The following EDIL3 variants were observed in gnomAD, a reference collection of about 807,000 sequenced individuals.
EDIL3 encodes the protein EGF-like repeat and discoidin I-like domain-containing protein 3.
A neutral mutation model predicts 67.4 loss-of-function variants in EDIL3; 37 were observed. The ratio of observed to expected loss-of-function variants is 0.55; its 90% CI spans 0.42 to 0.72. The LOEUF is 0.72. Among genes scored for constraint, EDIL3 ranks in the 30% least tolerant of loss-of-function variants. The pLI is 0.00. For missense variants in EDIL3, 527 were observed against 586.3 expected, an observed-to-expected ratio of 0.90 and a Z score of 1.04; for synonymous variants, 195 against 196.3, an observed-to-expected ratio of 0.99 and a Z score of 0.05.
At chr5:84,335,349 G>A (rs1420745322) in intron 1 of EDIL3, among the ~76,000 whole-genome samples, 1 of 152,004 alleles carries the variant, frequency 6.6e-6, no homozygotes, top group Non-Finnish European at 1.5e-5. Flanking sequence ...TCCTCTTCCT[G>A]CTCTCTTATC....
intron 4 of EDIL3, among the ~76,000 whole-genome samples, chr5:84,141,440 A>T (rs1561443569): frequency 2.7e-5 from 4 of 147,152 alleles, no homozygotes; most frequent in African/African-American, 9.9e-5. Context: ...AATTATATAT[A>T]ATATATATAA....
chr5:84,078,915 T>A (rs1746913920), intron 6 of EDIL3: 1 of 152,130 alleles, frequency 6.6e-6, no homozygotes, highest in Non-Finnish European at 1.5e-5. Context: ...AGCCTTGGGA[T>A]GAGAGTGGTG....
intron 6 of EDIL3, among the ~76,000 whole-genome samples, chr5:84,078,301 T>C (rs1364405034): frequency 6.6e-6 from 1 of 152,146 alleles, no homozygotes; most frequent in East Asian, 1.9e-4. Flanking sequence ...TGTGTATGTG[T>C]GTGTGTGTGA....
intron 3 of EDIL3, among the ~76,000 whole-genome samples, chr5:84,217,400 G>A (rs1384813934): frequency 6.6e-6 from 1 of 152,062 alleles, no homozygotes; most frequent in Non-Finnish European, 1.5e-5. Flanking sequence ...ACTAGGCTAC[G>A]GTGCCCAACT....
chr5:84,229,417 T>C (rs1409107498), intron 3 of EDIL3, among the ~76,000 whole-genome samples: 3 of 152,152 alleles, frequency 2.0e-5, no homozygotes, highest in Admixed American at 6.6e-5. Context: ...GTGAATATGA[T>C]GTTTGATGCT....
chr5:84,352,128 TA>T (rs1023692640), intron 1 of EDIL3, among the ~76,000 whole-genome samples: 2 of 151,856 alleles, frequency 1.3e-5, no homozygotes, highest in Non-Finnish European at 2.9e-5. Context: ...TTAAAAAAAT[TA>T]AAAAAACAAC....
chr5:84,202,660 C>G (rs767636120), intron 3 of EDIL3, among the ~76,000 whole-genome samples: 4 of 151,978 alleles, frequency 2.6e-5, no homozygotes, highest in Non-Finnish European at 4.4e-5. Context: ...TATTTGAGAG[C>G]AGAGGGGAAA....
intron 1 of EDIL3, among the ~76,000 whole-genome samples, chr5:84,378,449 T>C (rs1453182030): frequency 6.6e-6 from 1 of 152,176 alleles, no homozygotes; most frequent in Admixed American, 6.5e-5. Context: ...ACATATACTA[T>C]TCGAGTCTCC....
At chr5:84,070,146 G>T (rs1355796223) in intron 6 of EDIL3, among the ~76,000 whole-genome samples, 2 of 152,110 alleles carry the variant, frequency 1.3e-5, no homozygotes, top group Non-Finnish European at 2.9e-5. Context: ...ACTGAGAGCT[G>T]CTTCCACCAC....
chr5:84,239,502 A>T (rs10942345), intron 2 of EDIL3, among the ~76,000 whole-genome samples: 2 of 151,982 alleles, frequency 1.3e-5, no homozygotes, highest in South Asian at 2.1e-4. Context: ...GGTTTGTTAC[A>T]TATGTATACA....
At chr5:84,184,290 G>C (rs1219279998) in intron 3 of EDIL3, among the ~76,000 whole-genome samples, 1 of 152,184 alleles carries the variant, frequency 6.6e-6, no homozygotes, top group Non-Finnish European at 1.5e-5. Context: ...AGAGCAAGAT[G>C]ACCTAAATGG....
chr5:84,262,265 A>G (rs1240346070), intron 1 of EDIL3, among the ~76,000 whole-genome samples: 1 of 152,180 alleles, frequency 6.6e-6, no homozygotes, highest in Admixed American at 6.5e-5. Flanking sequence ...AGCCCTCCAC[A>G]GTTTCTTAAA....
rs1746102946 is a variant in EDIL3, at chr5:84,299,007, A to C, written c.68-44795T>G. Among the ~76,000 whole-genome samples, 4 of 152,260 alleles carry C rather than the reference A, an allele frequency of 2.6e-5. No homozygotes were observed. In the South Asian group the frequency reaches 8.3e-4, roughly 32 times the overall value. ...GACTGCTCTAACATCTTTAATCTCC[A>C]GCAAAGAAGGGAGCCATAACCCGCA... On this transcript the variant is annotated intron_variant, in intron 1 of 10. Coordinates refer to ENST00000296591, the MANE Select transcript of EDIL3 (RefSeq NM_005711.5).
chr5:84,142,327 G>C (rs1163540522), intron 4 of EDIL3, among the ~76,000 whole-genome samples: 1 of 151,968 alleles, frequency 6.6e-6, no homozygotes, highest in Admixed American at 6.6e-5. Context: ...GATTCCGCTA[G>C]TTGGCCAGAG....
chr5:84,019,926 G>A (rs552826668), intron 9 of EDIL3, among the ~76,000 whole-genome samples: 3 of 151,796 alleles, frequency 2.0e-5, no homozygotes, highest in South Asian at 2.1e-4. Context: ...CTGGACTGTC[G>A]CCCCACAGTG....
chr5:84,048,225 C>A, intron 9 of EDIL3: 1 of 431,134 alleles, frequency 2.3e-6, no homozygotes, highest in South Asian at 1.7e-5. Context: ...CAAATGTTTC[C>A]AGTGGCCTGG....
At position 84,247,307 on chromosome 5, in the gene EDIL3, G is replaced by T. The variant is rs371652694; in HGVS notation, c.196+6777C>A. 3.9e-5 allele frequency among the ~76,000 whole-genome samples: 6 copies of T among 152,064 alleles called. No individual in the cohort carries two copies. In the East Asian group the frequency reaches 7.7e-4, roughly 20 times the overall value. On this transcript the variant is annotated intron_variant, in intron 2 of 10. Coordinates refer to ENST00000296591, the MANE Select transcript of EDIL3 (RefSeq NM_005711.5). ...TCCCTCATTTGGTAACCAAAGTCTC[G>T]AAATCTAAAATAACCCTACACCACC...
In EDIL3 at chr5:84,064,791, G is replaced by A. The variant is rs757336747; in HGVS notation, c.861C>T (p.Pro287=). ...GTCTTACATACTGAGCTTTTATGGG[G>A]GGTGTGAAAGAGTTAGCATATGGAG... The part of the protein sequence containing the change: ...NNTPYANSFT[P]PIKAQYVRLY... The change falls in exon 8 of 11, where the codon CCC becomes CCT. Residue 287 remains proline, a synonymous_variant. Coordinates refer to ENST00000296591, the MANE Select transcript of EDIL3 (RefSeq NM_005711.5). 4 of 1,613,654 alleles carry A rather than the reference G, an allele frequency of 2.5e-6. No homozygotes were observed. The African/African-American group carries it at 4.0e-5, about 16-fold the overall frequency.
intron 3 of EDIL3, among the ~76,000 whole-genome samples, chr5:84,205,243 T>C (rs778058415): frequency 2.6e-5 from 4 of 151,716 alleles, no homozygotes; most frequent in Non-Finnish European, 5.9e-5. Context: ...TCTAATAACA[T>C]ATATATATAT....
Sources: allele counts gnomAD v4.1 joint callset (sites outside exome capture counted in the v4.1 genomes callset), GRCh38; gene constraint gnomAD v4.1.1; transcripts MANE v1.5; gene names NCBI Gene and HGNC (gene_info 2026-07-23, HGNC 2026-07-21).